SNTG2: variants seen among roughly 807,000 people sequenced by gnomAD.
SNTG2 encodes syntrophin gamma 2.
Under a neutral mutation model 70.9 loss-of-function variants are expected in SNTG2, and 74 were observed. The ratio of observed to expected loss-of-function variants is 1.04; its 90% CI spans 0.86 to 1.27. The LOEUF (loss-of-function observed/expected upper bound fraction) is 1.27. SNTG2 is among the 50% of genes most tolerant of loss of function. The pLI, the probability that SNTG2 is intolerant of heterozygous loss-of-function variation, is 0.00. For missense variants in SNTG2, 717 were observed against 690.7 expected (o/e 1.04, Z -0.43); for synonymous variants, 278 against 273.8 (o/e 1.02, Z -0.15).
intron 13 of SNTG2, chr2:1,263,038 A>C (rs1468220847): frequency 6.6e-6 from 1 of 152,244 alleles, no homozygotes; most frequent in African/African-American, 2.4e-5. Flanking sequence ...TGTAGAACTT[A>C]CAACACATTC....
chr2:1,030,508 A>C (rs548944842), intron 1 of SNTG2, among the ~76,000 whole-genome samples: 1 of 152,248 alleles, frequency 6.6e-6, no homozygotes, highest in East Asian at 1.9e-4. Flanking sequence ...TGATTAAACA[A>C]CACCGAGCTG....
chr2:1,139,826 CA>C (rs139384127), intron 6 of SNTG2, among the ~76,000 whole-genome samples: 22 of 101,012 alleles, frequency 2.2e-4, no homozygotes, highest in South Asian at 7.7e-4. Flanking sequence ...GACTCCATCT[CA>C]AAAAAAAAAA....
At position 1,154,768 on chromosome 2, in the gene SNTG2, C is replaced by A. The variant is rs145999380; in HGVS notation, c.412-10780C>A. On this transcript the variant is annotated intron_variant, in intron 6 of 16. Coordinates refer to ENST00000308624, the MANE Select transcript of SNTG2 (RefSeq NM_018968.4). ...ATGGACTCTCCTACTGGCTGAGAAA[C>A]TCAGAGCCCACCTTCCTTCTACCTC... Among the ~76,000 whole-genome samples the A allele has an allele frequency of 2.1e-3, 314 of 152,146 alleles. 1 individual carries two copies. Among genetic ancestry groups the A allele is most frequent in the Non-Finnish European group, 3.3e-3 (223 of 67,992 alleles).
chr2:984,015 C>T (rs936288154), intron 1 of SNTG2, among the ~76,000 whole-genome samples: 4 of 152,166 alleles, frequency 2.6e-5, no homozygotes, highest in Non-Finnish European at 5.9e-5. Context: ...GAGCTGTGGG[C>T]ACACCCCTTT....
chr2:975,459 CCT>C (rs1399962188), intron 1 of SNTG2, among the ~76,000 whole-genome samples: 3 of 152,222 alleles, frequency 2.0e-5, no homozygotes, highest in African/African-American at 7.2e-5. Flanking sequence ...CAACAGTTCC[CCT>C]GTGACTCTTA....
chr2:1,180,837 G>T (rs186321865), intron 8 of SNTG2, among the ~76,000 whole-genome samples: 1,702 of 152,082 alleles, frequency 0.011, 14 homozygotes, highest in Non-Finnish European at 0.018. Context: ...AACAATGATA[G>T]ACTGGATTAA....
chr2:1,263,771 A>G (rs1678572845), intron 13 of SNTG2, among the ~76,000 whole-genome samples: 1 of 152,220 alleles, frequency 6.6e-6, no homozygotes, highest in South Asian at 2.1e-4. Context: ...CCACTCTGTC[A>G]TGTGAAGTTA....
chr2:1,222,401 G>A (rs1452505803), intron 9 of SNTG2, among the ~76,000 whole-genome samples: 2 of 152,256 alleles, frequency 1.3e-5, no homozygotes, highest in Non-Finnish European at 2.9e-5. Flanking sequence ...CTTTGTGTGT[G>A]GAGATTTCAT....
intron 14 of SNTG2, among the ~76,000 whole-genome samples, chr2:1,297,294 G>A (rs777203121): frequency 6.6e-6 from 1 of 152,204 alleles, no homozygotes; most frequent in Non-Finnish European, 1.5e-5. Context: ...TTCAGTGCAT[G>A]CAGTACACAT....
intron 14 of SNTG2, among the ~76,000 whole-genome samples, chr2:1,273,535 A>G (rs1679144346): frequency 6.6e-6 from 1 of 152,098 alleles, no homozygotes; most frequent in Non-Finnish European, 1.5e-5. Context: ...GTGCAAAGGC[A>G]ATTCAGTGGA....
At chr2:1,310,431 C>T (rs188605612) in intron 15 of SNTG2, among the ~76,000 whole-genome samples, 1 of 152,302 alleles carries the variant, frequency 6.6e-6, no homozygotes, top group African/African-American at 2.4e-5. Context: ...TAGAGGGTCT[C>T]AGCACAGGAA....
At chr2:1,148,801 G>A (rs992555558) in intron 6 of SNTG2, among the ~76,000 whole-genome samples, 1 of 146,150 alleles carries the variant, frequency 6.8e-6, no homozygotes, top group African/African-American at 2.6e-5. Flanking sequence ...TGGAAACAAG[G>A]AAGTGAGGAG....
chr2:1,264,420 C>A, intron 13 of SNTG2, among the ~76,000 whole-genome samples: 1 of 152,146 alleles, frequency 6.6e-6, no homozygotes, highest in East Asian at 1.9e-4. Flanking sequence ...GTGTACCTTC[C>A]CTCCTTCGTG....
chr2:1,279,993 CTTAA>C (rs570109683), intron 14 of SNTG2, among the ~76,000 whole-genome samples: 13 of 152,260 alleles, frequency 8.5e-5, no homozygotes, highest in South Asian at 4.2e-4. Flanking sequence ...TATTATAAAA[CTTAA>C]TTAATTGATG....
intron 8 of SNTG2, among the ~76,000 whole-genome samples, chr2:1,175,638 T>G (rs2147891609): frequency 6.6e-6 from 1 of 152,358 alleles, no homozygotes; most frequent in Admixed American, 6.5e-5. Flanking sequence ...TTTTTAAAAT[T>G]AATTTTACAA....
At chr2:1,243,929 G>A (rs1677218707) in intron 11 of SNTG2, among the ~76,000 whole-genome samples, 2 of 152,198 alleles carry the variant, frequency 1.3e-5, no homozygotes, top group South Asian at 2.1e-4. Flanking sequence ...GGGAGGCTGA[G>A]GCAGGAGAAT....
At chr2:1,255,172 T>G (rs1677981874) in intron 12 of SNTG2, among the ~76,000 whole-genome samples, 2 of 152,206 alleles carry the variant, frequency 1.3e-5, no homozygotes, top group Non-Finnish European at 2.9e-5. Flanking sequence ...GCCAGTCATT[T>G]ACCAAGTCAG....
rs1174419596 is a variant in SNTG2 at position 1,209,247 on chromosome 2, T to A, written c.719+17T>A. 1.9e-6 allele frequency: 3 copies of A among 1,613,702 alleles called. No individual in the cohort carries two copies. Among genetic ancestry groups the A allele is most frequent in the Non-Finnish European group, 2.5e-6 (3 of 1,179,764 alleles). On this transcript the variant is annotated intron_variant, in intron 9 of 16. Transcript: ENST00000308624. ...AAAATTAAGGTGTGTGACCATTGTC[T>A]GAGATGGGAAACTTTGATGAACCCC...
At chr2:1,322,564 T>G (rs1055508838) in intron 16 of SNTG2, among the ~76,000 whole-genome samples, 4 of 152,108 alleles carry the variant, frequency 2.6e-5, no homozygotes, top group African/African-American at 9.7e-5. Flanking sequence ...TTTGAAGACA[T>G]CTGGTACCAG....
Sources: allele counts gnomAD v4.1 joint callset (sites outside exome capture counted in the v4.1 genomes callset), GRCh38; gene constraint gnomAD v4.1.1; transcripts MANE v1.5; gene names NCBI Gene and HGNC (gene_info 2026-07-23, HGNC 2026-07-21).